DLC1: variants seen among roughly 807,000 people sequenced by gnomAD.
The protein encoded by DLC1 is DLC1 Rho GTPase activating protein, also known as rho GTPase-activating protein 7.
DLC1 carries 54 observed loss-of-function variants against 140.3 expected under a neutral mutation model. That is an observed-to-expected ratio of 0.38 (90% confidence interval 0.31 to 0.48). DLC1 has a LOEUF of 0.48. Ranked by LOEUF, DLC1 falls within the 20% of genes least tolerant of loss-of-function variation. The pLI is 0.96. For missense variants in DLC1, 2,536 were observed against 1,907.0 expected, an observed-to-expected ratio of 1.33 and a Z score of -6.14; for synonymous variants, 986 against 728.1, an observed-to-expected ratio of 1.35 and a Z score of -5.70.
In DLC1 at chr8:13,477,362, G is replaced by C. The variant is rs903223511; in HGVS notation, c.1023+21687C>G. On this transcript the variant is annotated intron_variant, in intron 2 of 17. Coordinates refer to ENST00000276297, the MANE Select transcript of DLC1 (RefSeq NM_182643.3). ...GTAAGTGCTGGTGTGAGGTAATCAG[G>C]TATGTACAGCCACTACTGAGAAGCA... 3.3e-5 allele frequency among the ~76,000 whole-genome samples: 5 copies of C among 152,304 alleles called. No homozygotes were observed. The East Asian group carries it at 9.7e-4, about 29-fold the overall frequency.
chr8:13,449,063 A>G (rs1798926137), intron 2 of DLC1, among the ~76,000 whole-genome samples: 1 of 152,182 alleles, frequency 6.6e-6, no homozygotes, highest in East Asian at 1.9e-4. Context: ...TAATGAGCAT[A>G]TTATATACCT....
intron 2 of DLC1, 36 bp from the exon 3 acceptor site, chr8:13,401,655 G>C: frequency 1.3e-6 from 2 of 1,591,160 alleles, no homozygotes; most frequent in Non-Finnish European, 1.7e-6. Context: ...GAATCTGAAA[G>C]GCCATTTCTT....
chr8:13,129,331 A>T (rs373116690), intron 5 of DLC1, among the ~76,000 whole-genome samples: 28 of 152,350 alleles, frequency 1.8e-4, no homozygotes, highest in African/African-American at 6.5e-4. Flanking sequence ...TGTTCCTTCT[A>T]ATTTCATAGC....
At chr8:13,503,048 A>C (rs1320526998) in intron 1 of DLC1, among the ~76,000 whole-genome samples, 1 of 152,226 alleles carries the variant, frequency 6.6e-6, no homozygotes, top group African/African-American at 2.4e-5. Flanking sequence ...TGTTTGGGTT[A>C]ATTTTGTAAC....
chr8:13,453,899 G>A (rs1016902313), intron 2 of DLC1, among the ~76,000 whole-genome samples: 2 of 152,048 alleles, frequency 1.3e-5, no homozygotes, highest in African/African-American at 4.8e-5. Context: ...TTGTAAAACA[G>A]AAATGCCTTC....
chr8:13,595,778 T>G (rs1034427158), intron 1 of DLC1, among the ~76,000 whole-genome samples: 2 of 152,056 alleles, frequency 1.3e-5, no homozygotes, highest in Non-Finnish European at 2.9e-5. Context: ...TGCATTATCT[T>G]AAAGAACATC....
chr8:13,476,726 T>C lies in DLC1; in HGVS notation c.1023+22323A>G, dbSNP rs566735445. Among the ~76,000 whole-genome samples the C allele has an allele frequency of 2.0e-5, 3 of 152,354 alleles. No homozygotes were observed. In the South Asian group the frequency reaches 6.2e-4, roughly 32 times the overall value. On this transcript the variant is annotated intron_variant, in intron 2 of 17. Transcript: ENST00000276297. ...ACAATCATTTATTCAACTTTGAATA[T>C]CTTGTTCATCTTTGAACACAATGAC...
At chr8:13,140,054 T>A (rs969651743) in intron 5 of DLC1, among the ~76,000 whole-genome samples, 12 of 152,254 alleles carry the variant, frequency 7.9e-5, no homozygotes, top group African/African-American at 2.9e-4. Flanking sequence ...AAACTCCTCT[T>A]TCTCCCCTTC....
chr8:13,364,607 T>C (rs1238613264), intron 4 of DLC1, among the ~76,000 whole-genome samples: 1 of 152,178 alleles, frequency 6.6e-6, no homozygotes, highest in Non-Finnish European at 1.5e-5. Context: ...TGCATAATGA[T>C]ACTTCTATCT....
intron 5 of DLC1, among the ~76,000 whole-genome samples, chr8:13,206,087 G>C (rs1158511853): frequency 1.3e-5 from 2 of 152,168 alleles, no homozygotes; most frequent in African/African-American, 4.8e-5. Context: ...CTGTTAGCAA[G>C]ACATTTTAAA....
intron 1 of DLC1, among the ~76,000 whole-genome samples, chr8:13,510,388 G>A (rs537305570): frequency 6.6e-6 from 1 of 152,094 alleles, no homozygotes; most frequent in Admixed American, 6.6e-5. Flanking sequence ...TGTTGGTCAG[G>A]CTGGTCTCGA....
intron 2 of DLC1, among the ~76,000 whole-genome samples, chr8:13,477,490 C>T (rs1258579361): frequency 2.6e-5 from 4 of 152,102 alleles, no homozygotes; most frequent in Admixed American, 6.5e-5. Context: ...AAGGACTAAT[C>T]GCAGAGGATT....
At chr8:13,448,074 T>C (rs1019114032) in intron 2 of DLC1, among the ~76,000 whole-genome samples, 33 of 152,056 alleles carry the variant, frequency 2.2e-4, no homozygotes, top group African/African-American at 7.7e-4. Flanking sequence ...TGCTGAAGAG[T>C]ATAATTTTTG....
chr8:13,409,798 T>C (rs1837708738), intron 2 of DLC1, among the ~76,000 whole-genome samples: 1 of 152,172 alleles, frequency 6.6e-6, no homozygotes, highest in African/African-American at 2.4e-5. Context: ...TAGTTTTCAA[T>C]AGCGGCAGAT....
chr8:13,315,183 G>T (rs1433402003), intron 4 of DLC1, among the ~76,000 whole-genome samples: 1 of 152,172 alleles, frequency 6.6e-6, no homozygotes. Flanking sequence ...GGGAGGCTGA[G>T]GCAGAAGGAT....
intron 4 of DLC1, chr8:13,340,191 G>C (rs1413100806): frequency 6.6e-6 from 1 of 152,064 alleles, no homozygotes; most frequent in African/African-American, 2.4e-5. Context: ...TTTGAGGCTT[G>C]GTTTCATTTT....
intron 2 of DLC1, among the ~76,000 whole-genome samples, chr8:13,430,434 G>A (rs1398046130): frequency 6.6e-6 from 1 of 152,156 alleles, no homozygotes; most frequent in African/African-American, 2.4e-5. Context: ...ATGGTTATTG[G>A]AGACCTTTCA....
At chr8:13,553,340 C>G (rs773221365) in intron 1 of DLC1, among the ~76,000 whole-genome samples, 11 of 149,844 alleles carry the variant, frequency 7.3e-5, no homozygotes, top group Admixed American at 2.0e-4. Flanking sequence ...ATCCCTTTCT[C>G]TCTCATGTGT....
chr8:13,157,476 G>C (rs985593037), intron 5 of DLC1, among the ~76,000 whole-genome samples: 2 of 151,968 alleles, frequency 1.3e-5, no homozygotes, highest in Admixed American at 6.6e-5. Flanking sequence ...AAAAAAGGCA[G>C]TGATTAAGGG....
Sources: gnomAD v4.1 joint callset for allele counts (sites outside exome capture counted in the v4.1 genomes callset) on GRCh38, gnomAD v4.1.1 for gene constraint, MANE v1.5 for transcripts, NCBI Gene and HGNC (gene_info 2026-07-23, HGNC 2026-07-21) for gene names.